DLGAP1: variants seen among roughly 807,000 people sequenced by gnomAD.
DLGAP1 encodes the protein DLG associated protein 1.
A neutral mutation model predicts 90.8 loss-of-function variants in DLGAP1; 11 were observed. That is an observed-to-expected ratio of 0.12 (90% confidence interval 0.08 to 0.20). The LOEUF (loss-of-function observed/expected upper bound fraction) is 0.20. Among genes scored for constraint, DLGAP1 ranks in the 10% least tolerant of loss-of-function variants. The pLI, the probability that DLGAP1 is intolerant of heterozygous loss-of-function variation, is 1.00. For missense variants in DLGAP1, 1,050 were observed against 1,333.8 expected, an observed-to-expected ratio of 0.79 and a Z score of 3.31; for synonymous variants, 558 against 540.7, an observed-to-expected ratio of 1.03 and a Z score of -0.44.
intron 5 of DLGAP1, among the ~76,000 whole-genome samples, chr18:3,756,099 G>C (rs1298330506): frequency 6.6e-6 from 1 of 151,792 alleles, no homozygotes; most frequent in African/African-American, 2.4e-5. Context: ...ACCCAGACTG[G>C]AGTGCAATGG....
intron 1 of DLGAP1, among the ~76,000 whole-genome samples, chr18:4,368,699 T>G: frequency 6.7e-6 from 1 of 148,954 alleles, no homozygotes; most frequent in East Asian, 2.0e-4. Context: ...TTGGTTCTGT[T>G]TCTCTAGAGA....
intron 1 of DLGAP1, among the ~76,000 whole-genome samples, chr18:4,301,628 C>T (rs888022262): frequency 4.6e-5 from 7 of 152,178 alleles, no homozygotes; most frequent in African/African-American, 1.4e-4. Context: ...TGCAGATATG[C>T]CTTTGACACG....
chr18:3,561,273 A>C lies in DLGAP1; in HGVS notation c.2057+6217T>G, dbSNP rs575862493. On this transcript the variant is annotated intron_variant, in intron 9 of 12. Coordinates refer to ENST00000315677, the MANE Select transcript of DLGAP1 (RefSeq NM_004746.4). ...TCTACTAAAAAAAAAAAACAAAAAA[A>C]AAAAAACAAACAAAAAATAGCCAGA... Among the ~76,000 whole-genome samples, 19 of 140,154 alleles carry C rather than the reference A, an allele frequency of 1.4e-4. 1 individual carries two copies. The East Asian group carries it at 2.0e-3, about 14-fold the overall frequency. 91.9% of individuals were successfully genotyped at this position (140,154 alleles called of 152,430 possible).
chr18:4,307,709 CTTTTTT>C (rs34193366), intron 1 of DLGAP1, among the ~76,000 whole-genome samples: 16 of 107,208 alleles, frequency 1.5e-4, no homozygotes, highest in East Asian at 3.0e-4. Flanking sequence ...TGAGGGTTTA[CTTTTTT>C]TTTTTTTTTT....
intron 5 of DLGAP1, among the ~76,000 whole-genome samples, chr18:3,790,061 T>C (rs545854944): frequency 1.1e-3 from 170 of 152,194 alleles, no homozygotes; most frequent in Middle Eastern, 6.8e-3. Flanking sequence ...GACTTTTAGT[T>C]TGAGGAGATG....
chr18:4,258,008 T>C (rs200862351), intron 1 of DLGAP1, among the ~76,000 whole-genome samples: 87 of 140,940 alleles, frequency 6.2e-4, no homozygotes, highest in African/African-American at 2.4e-3. Flanking sequence ...TGTGTGTGTG[T>C]GTGCGCGCGC....
At chr18:4,236,817 C>G (rs1037990141) in intron 1 of DLGAP1, among the ~76,000 whole-genome samples, 1 of 152,086 alleles carries the variant, frequency 6.6e-6, no homozygotes, top group African/African-American at 2.4e-5. Flanking sequence ...ATTGAATAAC[C>G]AATTGTTTGC....
At chr18:3,641,259 G>T (rs2058928133) in intron 7 of DLGAP1, among the ~76,000 whole-genome samples, 1 of 151,646 alleles carries the variant, frequency 6.6e-6, no homozygotes, top group South Asian at 2.1e-4. Flanking sequence ...TTGAAAATAA[G>T]ACAAGAGGCC....
chr18:4,312,747 GAAT>G lies in DLGAP1; in HGVS notation c.-267+142256_-267+142258del, dbSNP rs2080431201. Among the ~76,000 whole-genome samples, 4 of 151,982 alleles carry G rather than the reference GAAT, an allele frequency of 2.6e-5. No homozygotes were observed. In the South Asian group the frequency reaches 8.3e-4, roughly 32 times the overall value. On this transcript the variant is annotated intron_variant, in intron 1 of 12. Transcript: ENST00000315677. ...TTTTATTTCTAATATTATATTTACTGAATAATTCTATGATATAATCGTTTCTGT... is the reference window on the plus strand; with the variant it reads ...TTTTATTTCTAATATTATATTTACTGAATTCTATGATATAATCGTTTCTGT...
At chr18:3,750,032 G>C (rs1256499268) in intron 5 of DLGAP1, among the ~76,000 whole-genome samples, 3 of 152,160 alleles carry the variant, frequency 2.0e-5, no homozygotes, top group African/African-American at 7.2e-5. Flanking sequence ...TATTGTGTGT[G>C]ATACTGAGGT....
At chr18:3,894,509 T>A (rs1424313287) in intron 3 of DLGAP1, among the ~76,000 whole-genome samples, 1 of 152,236 alleles carries the variant, frequency 6.6e-6, no homozygotes, top group East Asian at 1.9e-4. Context: ...TTGTCAAAGA[T>A]CAGTTGTTTC....
chr18:3,849,723 C>A (rs555892390), intron 4 of DLGAP1, among the ~76,000 whole-genome samples: 1 of 152,260 alleles, frequency 6.6e-6, no homozygotes, highest in Non-Finnish European at 1.5e-5. Context: ...TTTATCTCAC[C>A]ACTGAACAAT....
chr18:3,764,085 C>G (rs1181032116), intron 5 of DLGAP1, among the ~76,000 whole-genome samples: 4 of 152,116 alleles, frequency 2.6e-5, no homozygotes, highest in African/African-American at 7.2e-5. Flanking sequence ...GTTACATGGC[C>G]CTATGCATTT....
chr18:4,143,645 T>C (rs964523214), intron 2 of DLGAP1, among the ~76,000 whole-genome samples: 3 of 151,914 alleles, frequency 2.0e-5, no homozygotes, highest in African/African-American at 4.8e-5. Flanking sequence ...CAAGACAAAG[T>C]CCACTTTACT....
chr18:3,696,988 G>A (rs536379459), intron 7 of DLGAP1, among the ~76,000 whole-genome samples: 3 of 152,264 alleles, frequency 2.0e-5, no homozygotes, highest in East Asian at 3.9e-4. Flanking sequence ...TTGCGTAGAG[G>A]TGTTTATAGT....
chr18:4,005,739 A>G (rs1374931344), intron 2 of DLGAP1, among the ~76,000 whole-genome samples: 10 of 152,198 alleles, frequency 6.6e-5, no homozygotes, highest in Non-Finnish European at 1.3e-4. Context: ...GGCCCACAGC[A>G]ATCAAGTGCT....
chr18:3,980,807 A>G (rs1479903134), intron 3 of DLGAP1, among the ~76,000 whole-genome samples: 1 of 152,218 alleles, frequency 6.6e-6, no homozygotes, highest in Non-Finnish European at 1.5e-5. Flanking sequence ...AAACATGCAT[A>G]CACGTATCAT....
chr18:3,980,770 A>G (rs1018726510), intron 3 of DLGAP1, among the ~76,000 whole-genome samples: 10 of 152,212 alleles, frequency 6.6e-5, no homozygotes, highest in Admixed American at 2.0e-4. Context: ...TATTGTATAT[A>G]TTTGTGGTAT....
At chr18:4,155,102 T>G (rs1449916815) in intron 1 of DLGAP1, among the ~76,000 whole-genome samples, 1 of 151,024 alleles carries the variant, frequency 6.6e-6, no homozygotes, top group East Asian at 1.9e-4. Context: ...ATCAAAAACT[T>G]GAGAGATGTG....
Sources: allele counts gnomAD v4.1 joint callset (sites outside exome capture counted in the v4.1 genomes callset), GRCh38; gene constraint gnomAD v4.1.1; transcripts MANE v1.5; gene names NCBI Gene and HGNC (gene_info 2026-07-23, HGNC 2026-07-21).